The following NRXN1 variants were observed in gnomAD, a reference collection of about 807,000 sequenced individuals.
NRXN1 encodes the protein neurexin-1.
In NRXN1, 39 loss-of-function variants were observed where a neutral mutation model predicts 150.9. The observed-to-expected ratio is 0.26, with a 90% confidence interval of 0.20 to 0.34. The LOEUF (loss-of-function observed/expected upper bound fraction) is 0.34, where lower values mean the gene tolerates loss of function less well. NRXN1 is among the 10% of genes least tolerant of loss of function. NRXN1 has a pLI of 1.00. For synonymous variants in NRXN1, 924 were observed against 757.0 expected, an observed-to-expected ratio of 1.22 and a Z score of -3.62; for missense variants, 1,815 against 1,949.9, an observed-to-expected ratio of 0.93 and a Z score of 1.30.
At chr2:50,439,256 G>A (rs1482846432) in intron 17 of NRXN1, among the ~76,000 whole-genome samples, 1 of 152,176 alleles carries the variant, frequency 6.6e-6, no homozygotes, top group African/African-American at 2.4e-5. Flanking sequence ...GAATCTTTCT[G>A]GTTGCCCCTG....
chr2:49,922,384 A>C, intron 22 of NRXN1, 133 bp from the exon 23 acceptor site: 8 of 932,432 alleles, frequency 8.6e-6, no homozygotes, highest in Non-Finnish European at 1.3e-5. Context: ...TGATAAATGT[A>C]GCCATCCCTT....
chr2:50,024,966 A>G (rs1412711235), intron 21 of NRXN1, among the ~76,000 whole-genome samples: 1 of 152,194 alleles, frequency 6.6e-6, no homozygotes, highest in African/African-American at 2.4e-5. Flanking sequence ...GTTCTGGGCT[A>G]GCTGATGAAT....
chr2:50,423,385 A>G (rs942645362), intron 17 of NRXN1, among the ~76,000 whole-genome samples: 4 of 152,096 alleles, frequency 2.6e-5, no homozygotes, highest in African/African-American at 9.7e-5. Context: ...TTTCCCAGCA[A>G]TAAGTGCTGG....
At chr2:50,101,024 A>T (rs1346661857) in intron 18 of NRXN1, among the ~76,000 whole-genome samples, 1 of 152,086 alleles carries the variant, frequency 6.6e-6, no homozygotes, top group Non-Finnish European at 1.5e-5. Flanking sequence ...TGAAAATCTC[A>T]GCGTCACACT....
At chr2:50,862,593 G>A (rs1204791239) in intron 5 of NRXN1, among the ~76,000 whole-genome samples, 1 of 152,054 alleles carries the variant, frequency 6.6e-6, no homozygotes, top group Non-Finnish European at 1.5e-5. Flanking sequence ...GCAACGCTGG[G>A]CAAGATAACT....
intron 17 of NRXN1, among the ~76,000 whole-genome samples, chr2:50,254,176 C>T (rs2067453013): frequency 6.6e-6 from 1 of 151,732 alleles, no homozygotes; most frequent in Non-Finnish European, 1.5e-5. Context: ...TATCCATATT[C>T]TCTAGATTTT....
chr2:50,706,485 A>C (rs1247511655), intron 5 of NRXN1, among the ~76,000 whole-genome samples: 1 of 152,160 alleles, frequency 6.6e-6, no homozygotes. Context: ...GAGAATTAGA[A>C]TTAGAATTAG....
chr2:50,209,450 G>A (rs1335456676), intron 18 of NRXN1, among the ~76,000 whole-genome samples: 1 of 152,100 alleles, frequency 6.6e-6, no homozygotes, highest in Non-Finnish European at 1.5e-5. Flanking sequence ...TAGTATTGGA[G>A]CCTTCATTTT....
intron 18 of NRXN1, among the ~76,000 whole-genome samples, chr2:50,178,530 T>C (rs564136316): frequency 6.6e-6 from 1 of 152,216 alleles, no homozygotes; most frequent in South Asian, 2.1e-4. Context: ...CAATATTCTA[T>C]TCTCTCTTTC....
chr2:50,911,855 C>T (rs952048699), intron 5 of NRXN1, among the ~76,000 whole-genome samples: 3 of 151,780 alleles, frequency 2.0e-5, no homozygotes, highest in African/African-American at 4.8e-5. Flanking sequence ...ATTTTAATGA[C>T]CTTTACAACA....
chr2:50,669,623 T>C (rs1251104723), intron 5 of NRXN1, among the ~76,000 whole-genome samples: 1 of 151,698 alleles, frequency 6.6e-6, no homozygotes, highest in African/African-American at 2.4e-5. Flanking sequence ...CTATATAATA[T>C]TCTAATAATG....
rs1185515954 is a variant in NRXN1 at position 50,886,385 on chromosome 2, G to A, written c.832+35484C>T. On this transcript the variant is annotated intron_variant, in intron 5 of 22. Transcript: ENST00000401669. ...TTTGAACAAAGCAGTGGAAAAACAC[G>A]TGATCCCAATTTTGGCTTGTTTGTT... Among the ~76,000 whole-genome samples the A allele has an allele frequency of 2.6e-5, 4 of 151,288 alleles. No homozygotes were observed. In the East Asian group the frequency reaches 5.8e-4, roughly 22 times the overall value.
intron 17 of NRXN1, among the ~76,000 whole-genome samples, chr2:50,401,232 G>C (rs1195893075): frequency 6.6e-6 from 1 of 152,078 alleles, no homozygotes; most frequent in African/African-American, 2.4e-5. Context: ...TTCTAAAATG[G>C]AAATATTTTA....
chr2:50,040,812 T>C (rs1417100363), intron 21 of NRXN1, among the ~76,000 whole-genome samples: 1 of 152,186 alleles, frequency 6.6e-6, no homozygotes, highest in African/African-American at 2.4e-5. Flanking sequence ...TATTTGCAAT[T>C]TGAGTTATCA....
chr2:50,816,465 G>C (rs1668955307), intron 5 of NRXN1, among the ~76,000 whole-genome samples: 2 of 152,068 alleles, frequency 1.3e-5, no homozygotes. Flanking sequence ...GCTATCTTGT[G>C]TGCTTGTCTC....
At chr2:50,514,918 T>C (rs2092581448) in intron 12 of NRXN1, among the ~76,000 whole-genome samples, 1 of 152,158 alleles carries the variant, frequency 6.6e-6, no homozygotes, top group Non-Finnish European at 1.5e-5. Context: ...TCTCCTAACT[T>C]TTTTACTGCT....
At chr2:50,168,796 C>T (rs2059840884) in intron 18 of NRXN1, among the ~76,000 whole-genome samples, 1 of 152,176 alleles carries the variant, frequency 6.6e-6, no homozygotes, top group African/African-American at 2.4e-5. Context: ...CTTCAATAGC[C>T]ATCCAAGACT....
intron 12 of NRXN1, among the ~76,000 whole-genome samples, chr2:50,511,267 A>C (rs2092443607): frequency 6.6e-6 from 1 of 152,082 alleles, no homozygotes; most frequent in South Asian, 2.1e-4. Context: ...ACCATGTTCG[A>C]GGCCAGTCTG....
intron 18 of NRXN1, among the ~76,000 whole-genome samples, chr2:50,128,107 A>G (rs183956359): frequency 6.6e-6 from 1 of 152,336 alleles, no homozygotes; most frequent in Non-Finnish European, 1.5e-5. Flanking sequence ...GATAGCTACC[A>G]GGTTGAGCAG....
Sources: allele counts gnomAD v4.1 joint callset (sites outside exome capture counted in the v4.1 genomes callset), GRCh38; gene constraint gnomAD v4.1.1; transcripts MANE v1.5; gene names NCBI Gene and HGNC (gene_info 2026-07-23, HGNC 2026-07-21).